NACC2: variants seen among roughly 807,000 people sequenced by gnomAD.
NACC2 encodes NACC family member 2, also known as nucleus accumbens-associated protein 2.
In NACC2, 8 loss-of-function variants were observed where a neutral mutation model predicts 25.1. The observed-to-expected ratio is 0.32, with a 90% CI of 0.19 to 0.57. The LOEUF is 0.57. NACC2 is among the 20% of genes least tolerant of loss of function. The pLI is 0.89. For missense variants in NACC2, 644 were observed against 650.2 expected (o/e 0.99, Z 0.10); for synonymous variants, 435 against 294.7 (o/e 1.48, Z -4.88).
rs1369074766 is a variant in NACC2 at position 136,050,189 on chromosome 9, G to A, written c.333C>T (p.His111=). The stretch of plus-strand genomic sequence containing the variant: ...TGAGGTCGGTGCCGCGCTCCACGAT[G>A]TGCTGGATCTGCAGGAAGCCGGCCG... ...MYTAGFLQIQ[H]IVERGTDLMF... The change falls in exon 2 of 6, where the codon CAC becomes CAT. Residue 111 remains histidine (H), a synonymous_variant. Coordinates refer to ENST00000277554, the MANE Select transcript of NACC2 (RefSeq NM_144653.5). The A allele has an allele frequency of 5.2e-6, 4 of 772,400 alleles. No homozygotes were observed. Among genetic ancestry groups the A allele is most frequent in the East Asian group, 2.4e-5 (1 of 41,014 alleles). 47.8% of individuals were successfully genotyped at this position (772,400 alleles called of 1,614,324 possible). A position where few individuals can be genotyped will look rare whatever the true frequency, so the allele number is the denominator to read the frequency against.
chr9:136,029,484 A>G (rs1840442548), intron 2 of NACC2, among the ~76,000 whole-genome samples: 3 of 152,240 alleles, frequency 2.0e-5, no homozygotes, highest in Non-Finnish European at 4.4e-5. Flanking sequence ...GGCAGGATTA[A>G]AAGAGATGAA....
intron 1 of NACC2, among the ~76,000 whole-genome samples, chr9:136,081,485 G>A (rs748479729): frequency 2.0e-5 from 3 of 152,252 alleles, no homozygotes; most frequent in Non-Finnish European, 2.9e-5. Context: ...AGGCGGTGCC[G>A]GGCGTCCGCT....
chr9:136,069,442 G>A (rs543611612), intron 1 of NACC2, among the ~76,000 whole-genome samples: 12 of 151,326 alleles, frequency 7.9e-5, no homozygotes, highest in African/African-American at 2.2e-4. Context: ...TCAGCTACTC[G>A]GGAGGCTGAG....
At chr9:136,079,897 G>A (rs1033393995) in intron 1 of NACC2, among the ~76,000 whole-genome samples, 3 of 152,210 alleles carry the variant, frequency 2.0e-5, no homozygotes, top group Admixed American at 6.5e-5. Context: ...GGAAGGAGCC[G>A]CTAGCCCTGC....
chr9:136,072,572 C>T (rs1356256739), intron 1 of NACC2, among the ~76,000 whole-genome samples: 1 of 152,150 alleles, frequency 6.6e-6, no homozygotes, highest in African/African-American at 2.4e-5. Context: ...AAAAAAAAGG[C>T]TGGGTGTGGT....
intron 2 of NACC2, among the ~76,000 whole-genome samples, chr9:136,035,643 G>A (rs1405052626): frequency 1.3e-5 from 2 of 151,906 alleles, no homozygotes; most frequent in African/African-American, 4.8e-5. Flanking sequence ...TGAGGATGAT[G>A]GATTGAGATA....
Position 136,020,412 on chromosome 9 carries a change from GT to G in NACC2, c.887-3984del, listed in dbSNP as rs1458541049. On this transcript the variant is annotated intron_variant, in intron 2 of 5. Transcript: ENST00000277554. This position sits in a 1 kb window ranked among gnomAD's most constrained non-coding sequence, Gnocchi z 4.7. ...CCTGTTCCTGTCCCCAAGGCAGAGT[GT>G]GTCATCGGGGACTCGCCCAGGTGAC... 3.2e-4 allele frequency among the ~76,000 whole-genome samples: 48 copies of G among 152,126 alleles called. No homozygotes were observed. The highest frequency in any genetic ancestry group is 1.2e-3 in the African/African-American group (48 of 41,432).
At chr9:136,029,121 A>T (rs1349019717) in intron 2 of NACC2, among the ~76,000 whole-genome samples, 7 of 152,194 alleles carry the variant, frequency 4.6e-5, no homozygotes, top group Non-Finnish European at 8.8e-5. Context: ...CCAGGCTGTC[A>T]GTTCCGCAGA....
intron 2 of NACC2, among the ~76,000 whole-genome samples, chr9:136,036,709 C>T (rs1398279858): frequency 3.9e-5 from 6 of 152,138 alleles, no homozygotes; most frequent in South Asian, 2.1e-4. Context: ...GAAACCACAG[C>T]AGAGATTACT....
At chr9:136,049,092 G>T (rs1840773940) in intron 2 of NACC2, among the ~76,000 whole-genome samples, 2 of 152,226 alleles carry the variant, frequency 1.3e-5, no homozygotes. Context: ...CTGGGTTTGT[G>T]GGGCCCAGGA....
At position 136,007,380 on chromosome 9, in the gene NACC2, C is replaced by A. The variant is rs972395221; in HGVS notation, c.*4136G>T. 2.6e-5 allele frequency: 4 copies of A among 152,144 alleles called. No individual in the cohort carries two copies. Among genetic ancestry groups the A allele is most frequent in the African/African-American group, 9.7e-5 (4 of 41,262 alleles). The allele number at this position is 152,144 out of a possible 1,614,324, so 9.4% of individuals were successfully genotyped here. On this transcript the variant is annotated 3_prime_UTR_variant, in exon 6 of 6. Coordinates refer to ENST00000277554, the MANE Select transcript of NACC2 (RefSeq NM_144653.5). The stretch of plus-strand genomic sequence containing the variant: ...ACAGACACACGCGTGCACACATACA[C>A]AGACACGCGTGCAGAGACACGCACG...
At chr9:136,058,104 G>C (rs1292878654) in intron 1 of NACC2, among the ~76,000 whole-genome samples, 1 of 152,046 alleles carries the variant, frequency 6.6e-6, no homozygotes, top group Non-Finnish European at 1.5e-5. Context: ...GCCACTGGGG[G>C]CGGGGGGGGC....
intron 1 of NACC2, among the ~76,000 whole-genome samples, chr9:136,057,680 C>T (rs1840944969): frequency 6.6e-6 from 1 of 152,242 alleles, no homozygotes; most frequent in Non-Finnish European, 1.5e-5. Flanking sequence ...AGTAGGGTCT[C>T]CCCTGCACCG....
intron 1 of NACC2, among the ~76,000 whole-genome samples, chr9:136,094,342 G>C (rs969175875): frequency 6.6e-6 from 1 of 152,192 alleles, no homozygotes; most frequent in East Asian, 1.9e-4. Flanking sequence ...TCCACGACGA[G>C]AGTCCAAGAC....
intron 2 of NACC2, among the ~76,000 whole-genome samples, chr9:136,035,151 G>A (rs1262288750): frequency 6.6e-6 from 1 of 152,024 alleles, no homozygotes; most frequent in Non-Finnish European, 1.5e-5. Flanking sequence ...ACCTGATTCA[G>A]GCAGGAATCA....
chr9:136,051,386 G>A (rs1387554737), intron 1 of NACC2, among the ~76,000 whole-genome samples: 1 of 152,198 alleles, frequency 6.6e-6, no homozygotes, highest in Admixed American at 6.5e-5. Context: ...CGCTCCCCAC[G>A]CGGGCCAATC....
chr9:136,038,210 C>T (rs11103281), intron 2 of NACC2, among the ~76,000 whole-genome samples: 19,243 of 152,146 alleles, frequency 0.13, 1,678 homozygotes, highest in East Asian at 0.34. Context: ...TATATCTTGA[C>T]TGGGGAGGTG....
intron 1 of NACC2, among the ~76,000 whole-genome samples, chr9:136,072,260 C>T (rs751779484): frequency 5.3e-5 from 8 of 151,402 alleles, no homozygotes; most frequent in Non-Finnish European, 1.0e-4. Flanking sequence ...AAAAAAAACC[C>T]AAAGGCAGGG....
At chr9:136,062,068 C>T (rs972192021) in intron 1 of NACC2, among the ~76,000 whole-genome samples, 1 of 151,332 alleles carries the variant, frequency 6.6e-6, no homozygotes, top group Non-Finnish European at 1.5e-5. Flanking sequence ...TGCAATGAGC[C>T]GAGATTGCAC....
Sources: gnomAD v4.1 joint callset for allele counts (sites outside exome capture counted in the v4.1 genomes callset) on GRCh38, gnomAD v4.1.1 for gene constraint, Gnocchi (gnomAD v3.1) non-coding constraint, MANE v1.5 for transcripts, NCBI Gene and HGNC (gene_info 2026-07-23, HGNC 2026-07-21) for gene names.